The following GLI2 variants were observed in gnomAD, a reference collection of about 807,000 sequenced individuals.
GLI2 encodes GLI family zinc finger 2.
A neutral mutation model predicts 78.9 loss-of-function variants in GLI2; 22 were observed. The ratio of observed to expected loss-of-function variants is 0.28; its 90% CI spans 0.20 to 0.40. The LOEUF is 0.40. GLI2 is among the 10% of genes least tolerant of loss of function. The pLI, the probability that GLI2 is intolerant of heterozygous loss-of-function variation, is 1.00. For missense variants in GLI2, 2,097 were observed against 2,213.2 expected (o/e 0.95, Z 1.05); for synonymous variants, 974 against 963.7 (o/e 1.01, Z -0.20).
intron 3 of GLI2, among the ~76,000 whole-genome samples, chr2:120,943,127 G>C (rs929713632): frequency 6.6e-6 from 1 of 152,206 alleles, no homozygotes; most frequent in Admixed American, 6.5e-5. Context: ...AGGATATCTG[G>C]TCATCAGCTG....
At chr2:120,848,946 T>C (rs954997065) in intron 2 of GLI2, among the ~76,000 whole-genome samples, 1 of 152,138 alleles carries the variant, frequency 6.6e-6, no homozygotes, top group South Asian at 2.1e-4. Context: ...AAATGGATGA[T>C]GAAGGCAAGG....
intron 1 of GLI2, among the ~76,000 whole-genome samples, chr2:120,769,055 G>C (rs780905119): frequency 3.1e-4 from 47 of 152,202 alleles, no homozygotes; most frequent in Non-Finnish European, 6.0e-4. Flanking sequence ...GACTTGACAA[G>C]GGTCCTCATT....
intron 2 of GLI2, among the ~76,000 whole-genome samples, chr2:120,914,591 G>T (rs1021760951): frequency 1.3e-5 from 2 of 152,218 alleles, no homozygotes; most frequent in South Asian, 4.1e-4. Context: ...AGACAGACAG[G>T]CAGCCCCTCC....
chr2:120,764,461 A>G (rs1033201705), intron 1 of GLI2, among the ~76,000 whole-genome samples: 2 of 152,132 alleles, frequency 1.3e-5, no homozygotes, highest in African/African-American at 4.8e-5. Flanking sequence ...GATTACTTCC[A>G]GGTTTGCCTT....
In GLI2 at chr2:120,978,541, G is replaced by A. The variant is rs2105051091; in HGVS notation, c.1425G>A (p.Val475=). Residue 475 remains valine (V), a synonymous_variant, in exon 10 of 14, where the codon GTG becomes GTA. Coordinates refer to ENST00000361492, the MANE Select transcript of GLI2 (RefSeq NM_001374353.1). ...TCAAGGCGCAGTACATGCTGGTGGTGCACATGCGGCGACACACGGGCGAGA... is the reference window on the plus strand; with the variant it reads ...TCAAGGCGCAGTACATGCTGGTGGTACACATGCGGCGACACACGGGCGAGA... The part of the protein sequence containing the change: ...KPFKAQYMLV[V]HMRRHTGEKP... 4 of 1,614,078 alleles carry A rather than the reference G, an allele frequency of 2.5e-6. No individual in the cohort carries two copies. Among genetic ancestry groups the A allele is most frequent in the African/African-American group, 2.7e-5 (2 of 75,074 alleles).
intron 4 of GLI2, among the ~76,000 whole-genome samples, chr2:120,952,372 C>T (rs1258548328): frequency 1.3e-5 from 2 of 152,176 alleles, no homozygotes; most frequent in Non-Finnish European, 2.9e-5. Context: ...GGGGTCCCAG[C>T]GAGTCTCTTA....
At position 120,990,433 on chromosome 2, in the gene GLI2, G is replaced by A. The variant is rs1187651972; in HGVS notation, c.4468G>A (p.Ala1490Thr). 6.2e-7 allele frequency: 1 copy of A among 1,613,976 alleles called. No homozygotes were observed. The highest frequency in any genetic ancestry group is 8.5e-7 in the Non-Finnish European group (1 of 1,179,978). ...SSTVDSQLLE[A>T]PQIDFDAIMD... ...CACTGTGGACTCCCAGCTCCTGGAG[G>A]CCCCCCAGATTGACTTCGATGCCAT... Residue 1490 changes from alanine (A) to threonine (T), a missense_variant, in exon 14 of 14, where the codon GCC becomes ACC. This residue lies in a region of GLI2 where 1,290 missense variants were observed against 1,261.7 expected (regional missense o/e 1.02). Transcript: ENST00000361492.
intron 4 of GLI2, among the ~76,000 whole-genome samples, chr2:120,954,332 T>G (rs1681136846): frequency 6.6e-6 from 1 of 151,954 alleles, no homozygotes; most frequent in Admixed American, 6.5e-5. Context: ...ACTTGAGGCA[T>G]GGACAGGGGA....
intron 1 of GLI2, among the ~76,000 whole-genome samples, chr2:120,740,686 TCA>T (rs1682507142): frequency 6.6e-6 from 1 of 152,246 alleles, no homozygotes; most frequent in South Asian, 2.1e-4. Flanking sequence ...CTGGCCTTTT[TCA>T]CACGTTCACT....
At chr2:120,841,312 C>T (rs1686858329) in intron 2 of GLI2, among the ~76,000 whole-genome samples, 1 of 152,192 alleles carries the variant, frequency 6.6e-6, no homozygotes, top group Non-Finnish European at 1.5e-5. Context: ...AGGACCAAGG[C>T]TTCTACGCTC....
intron 2 of GLI2, among the ~76,000 whole-genome samples, chr2:120,802,858 C>G (rs1443953764): frequency 1.3e-5 from 2 of 152,364 alleles, no homozygotes; most frequent in Non-Finnish European, 2.9e-5. Flanking sequence ...CAGTGTGGGC[C>G]GCACCAGCAA....
intron 2 of GLI2, among the ~76,000 whole-genome samples, chr2:120,875,977 G>A (rs964077689): frequency 6.6e-6 from 1 of 152,208 alleles, no homozygotes; most frequent in Non-Finnish European, 1.5e-5. Context: ...AGAATGGACT[G>A]TTCAGTAGGC....
chr2:120,980,193 T>G (rs1682653258), intron 10 of GLI2, among the ~76,000 whole-genome samples: 1 of 152,248 alleles, frequency 6.6e-6, no homozygotes, highest in Non-Finnish European at 1.5e-5. Flanking sequence ...CGTATGGCAG[T>G]TGAGGAACTG....
chr2:120,931,213 C>T (rs1375830119), intron 3 of GLI2, among the ~76,000 whole-genome samples: 1 of 152,208 alleles, frequency 6.6e-6, no homozygotes, highest in Non-Finnish European at 1.5e-5. Flanking sequence ...TCTGGAGGCT[C>T]CAGGAGAGAC....
chr2:120,810,988 C>G (rs1685210818), intron 2 of GLI2, among the ~76,000 whole-genome samples: 1 of 152,184 alleles, frequency 6.6e-6, no homozygotes, highest in African/African-American at 2.4e-5. Context: ...AGGAAAAGCC[C>G]TGGGGGCAAC....
intron 1 of GLI2, among the ~76,000 whole-genome samples, chr2:120,787,405 C>A (rs1034171127): frequency 3.9e-5 from 6 of 152,174 alleles, no homozygotes; most frequent in African/African-American, 1.4e-4. Context: ...GCCCTTGGTC[C>A]TTGCCCCCAC....
At chr2:120,873,087 G>A (rs1573515327) in intron 2 of GLI2, among the ~76,000 whole-genome samples, 1 of 152,168 alleles carries the variant, frequency 6.6e-6, no homozygotes, top group African/African-American at 2.4e-5. Flanking sequence ...TTTACAAAAT[G>A]GGATTATATT....
intron 1 of GLI2, among the ~76,000 whole-genome samples, chr2:120,751,562 T>C (rs1235459323): frequency 6.6e-6 from 1 of 152,198 alleles, no homozygotes; most frequent in Non-Finnish European, 1.5e-5. Flanking sequence ...AACTTTCTCT[T>C]TTAAATAAAA....
chr2:120,881,760 ACGGTCGCCGGGAGAACAG>A (rs1677156740), intron 2 of GLI2, among the ~76,000 whole-genome samples: 1 of 5,332 alleles, frequency 1.9e-4, no homozygotes. Context: ...GCGGAGTGGC[ACGGTCGCCGGGAGAACAG>A]TGGGGAGAAC....
Sources: allele counts gnomAD v4.1 joint callset (sites outside exome capture counted in the v4.1 genomes callset), GRCh38; gene constraint gnomAD v4.1.1; regional missense constraint gnomAD v4.1.1; transcripts MANE v1.5; gene names NCBI Gene and HGNC (gene_info 2026-07-23, HGNC 2026-07-21).